USH2A: variants seen among roughly 807,000 people sequenced by gnomAD.
USH2A encodes Usher syndrome 2A (autosomal recessive, mild).
In USH2A, 443 loss-of-function variants were observed where a neutral mutation model predicts 538.9. The ratio of observed to expected loss-of-function variants is 0.82; its 90% CI spans 0.76 to 0.89. The LOEUF is 0.89. Among genes scored for constraint, USH2A ranks in the 40% least tolerant of loss-of-function variants. USH2A has a pLI of 0.00. For synonymous variants in USH2A, 2,413 were observed against 2,273.5 expected (o/e 1.06, Z -1.75); for missense variants, 6,633 against 6,324.8 (o/e 1.05, Z -1.65).
At chr1:216,203,009 G>A (rs182394721) in intron 16 of USH2A, among the ~76,000 whole-genome samples, 2 of 151,982 alleles carry the variant, frequency 1.3e-5, no homozygotes, top group Admixed American at 1.3e-4. Context: ...TTTCATCTTT[G>A]TATTTCTAAT....
At chr1:216,354,818 CA>C (rs1195480713) in intron 4 of USH2A, among the ~76,000 whole-genome samples, 1 of 149,476 alleles carries the variant, frequency 6.7e-6, no homozygotes, top group Admixed American at 6.7e-5. Flanking sequence ...GAAAAGGAAG[CA>C]AAAAAAGGAA....
intron 61 of USH2A, among the ~76,000 whole-genome samples, chr1:215,691,377 A>G (rs1658602794): frequency 6.6e-6 from 1 of 152,128 alleles, no homozygotes; most frequent in Non-Finnish European, 1.5e-5. Context: ...CCCCTGGGAA[A>G]ACTGCACTGC....
chr1:215,765,639 A>T (rs1661106254), intron 56 of USH2A, among the ~76,000 whole-genome samples: 1 of 151,980 alleles, frequency 6.6e-6, no homozygotes, highest in African/African-American at 2.4e-5. Flanking sequence ...AAATGACACC[A>T]GCCATCCCAC....
At chr1:216,231,539 A>G (rs967605120) in intron 14 of USH2A, among the ~76,000 whole-genome samples, 1 of 124,004 alleles carries the variant, frequency 8.1e-6, no homozygotes, top group African/African-American at 2.6e-5. Flanking sequence ...AAAACATATC[A>G]ATAACAAAAA....
intron 32 of USH2A, among the ~76,000 whole-genome samples, chr1:216,002,381 C>T (rs1045987710): frequency 1.3e-5 from 2 of 152,130 alleles, no homozygotes; most frequent in Admixed American, 6.6e-5. Flanking sequence ...TCTCATCTGT[C>T]TGAATTCCTT....
At position 215,623,250 on chromosome 1, in the gene USH2A, T is replaced by TGTGA. The variant is rs1655866325; in HGVS notation, c.*2527_*2530dup. 6.6e-6 allele frequency: 1 copy of TGTGA among 152,004 alleles called. No homozygotes were observed. The highest frequency in any genetic ancestry group is 2.4e-5 in the African/African-American group (1 of 41,392). The allele number at this position is 152,004 out of a possible 1,614,324, so 9.4% of individuals were successfully genotyped here. A position where few individuals can be genotyped will look rare whatever the true frequency, so the allele number is the denominator to read the frequency against. On this transcript the variant is annotated 3_prime_UTR_variant, in exon 72 of 72. Coordinates refer to ENST00000307340, the MANE Select transcript of USH2A (RefSeq NM_206933.4). ...AATGTGGCATGTACAATTGGTAAAA[T>TGTGA]GTGAGTCAGGAGATTTAAATTTAAA...
At position 216,046,576 on chromosome 1, in the gene USH2A, C is replaced by T. The variant is rs1239779645; in HGVS notation, c.6180G>A (p.Gln2060=). 6.2e-7 allele frequency: 1 copy of T among 1,613,810 alleles called. No homozygotes were observed. The highest frequency in any genetic ancestry group is 8.5e-7 in the Non-Finnish European group (1 of 1,179,772). Residue 2060 remains glutamine (Q), a synonymous_variant, in exon 32 of 72, where the codon CAG becomes CAA. Coordinates refer to ENST00000307340, the MANE Select transcript of USH2A (RefSeq NM_206933.4). ...STPQEAPQEV[Q]PPVAKSLPSS... The stretch of plus-strand genomic sequence containing the variant: ...TGGGAAGGGATTTGGCTACTGGTGG[C>T]TGAACCTCTTGTGGGGCTGTGGAAG...
chr1:216,156,709 A>T (rs1308563334), intron 21 of USH2A, among the ~76,000 whole-genome samples: 2 of 152,170 alleles, frequency 1.3e-5, no homozygotes, highest in African/African-American at 2.4e-5. Flanking sequence ...CTCTGCACAC[A>T]CACCAAAAGA....
intron 20 of USH2A, among the ~76,000 whole-genome samples, chr1:216,181,921 T>C (rs2034501395): frequency 6.6e-6 from 1 of 152,112 alleles, no homozygotes; most frequent in African/African-American, 2.4e-5. Flanking sequence ...TTTATTATTT[T>C]GTGATATATA....
intron 55 of USH2A, among the ~76,000 whole-genome samples, 159 bp from the exon 56 acceptor site, chr1:215,766,947 C>T (rs1178631885): frequency 6.6e-6 from 1 of 152,170 alleles, no homozygotes; most frequent in African/African-American, 2.4e-5. Flanking sequence ...TCATAAGAGG[C>T]TAAGTATTGG....
Position 216,323,507 on chromosome 1 carries a change from T to TA in USH2A, c.1516dup (p.Tyr506LeufsTer10). 1 of 1,613,500 alleles carries TA rather than the reference T, an allele frequency of 6.2e-7. No individual in the cohort carries two copies. Among genetic ancestry groups the TA allele is most frequent in the Non-Finnish European group, 8.5e-7 (1 of 1,179,684 alleles). ...AATGGTGATTTCGTCCACTGCATAA[T>TA]ATCTGTGTCTGAGGTTAACAGCAGT... On this transcript the variant is annotated frameshift_variant, in exon 8 of 72. Transcript: ENST00000307340. LOFTEE classifies it high-confidence loss of function.
At chr1:216,257,845 A>G (rs775194323) in intron 11 of USH2A, among the ~76,000 whole-genome samples, 6 of 152,020 alleles carry the variant, frequency 3.9e-5, no homozygotes, top group East Asian at 1.9e-4. Context: ...TGTATAATCA[A>G]TTATATCCAG....
rs1558151881 is a variant in USH2A at position 215,900,775 on chromosome 1, G to A, written c.7431C>T (p.Asp2477=). 6.2e-7 allele frequency: 1 copy of A among 1,613,576 alleles called. No individual in the cohort carries two copies. Among genetic ancestry groups the A allele is most frequent in the African/African-American group, 1.3e-5 (1 of 74,878 alleles). Residue 2477 remains aspartate, a synonymous_variant, in exon 39 of 72, where the codon GAC becomes GAT. Transcript: ENST00000307340. Reference sequence around the variant, plus strand: ...CTCACTCTAGAAATCCATGGGTGGAGTCGCCAGACCTCATCTGGAGTTGGT... The same window carrying A: ...CTCACTCTAGAAATCCATGGGTGGAATCGCCAGACCTCATCTGGAGTTGGT... The part of the protein sequence containing the change: ...PRYQLQMRSG[D]STHGFLELFS...
chr1:216,070,032 A>T, intron 30 of USH2A, 69 bp downstream of exon 30: 1 of 1,556,416 alleles, frequency 6.4e-7, no homozygotes, highest in Admixed American at 1.8e-5. Context: ...CATTTGCAGA[A>T]GATTTTTATT....
At chr1:215,967,973 C>A (rs1667396313) in intron 36 of USH2A, among the ~76,000 whole-genome samples, 1 of 152,036 alleles carries the variant, frequency 6.6e-6, no homozygotes, top group Non-Finnish European at 1.5e-5. Flanking sequence ...TCTTAGACTC[C>A]ACTAGTGTTA....
At position 216,146,396 on chromosome 1, in the gene USH2A, C is replaced by T. The variant is rs376345242; in HGVS notation, c.4627+28856G>A. 2.6e-5 allele frequency among the ~76,000 whole-genome samples: 4 copies of T among 152,310 alleles called. No individual in the cohort carries two copies. In the East Asian group the frequency reaches 7.7e-4, roughly 29 times the overall value. ...CGCTGGTCACAGACTGGGAAGGCAG[C>T]CTTCCCTTGGTGTTTAATCATTGCA... On this transcript the variant is annotated intron_variant, in intron 21 of 71. Coordinates refer to ENST00000307340, the MANE Select transcript of USH2A (RefSeq NM_206933.4).
intron 21 of USH2A, among the ~76,000 whole-genome samples, chr1:216,116,112 A>ACGTATTTTTTT (rs2033002141): frequency 6.6e-6 from 1 of 151,664 alleles, no homozygotes; most frequent in African/African-American, 2.4e-5. Flanking sequence ...AAAAAATAAT[A>ACGTATTTTTTT]ACTTTTTACG....
At chr1:215,772,771 T>C (rs545902346) in intron 55 of USH2A, among the ~76,000 whole-genome samples, 2 of 152,360 alleles carry the variant, frequency 1.3e-5, no homozygotes, top group South Asian at 4.1e-4. Flanking sequence ...AATTATTCTA[T>C]AGTGTCATCT....
intron 21 of USH2A, among the ~76,000 whole-genome samples, chr1:216,133,192 C>T (rs924497745): frequency 7.2e-5 from 11 of 152,030 alleles, no homozygotes; most frequent in Non-Finnish European, 8.8e-5. Context: ...ATGAAAGCAA[C>T]AAAAATCTGG....
Sources: gnomAD v4.1 joint callset for allele counts (sites outside exome capture counted in the v4.1 genomes callset) on GRCh38, gnomAD v4.1.1 for gene constraint, MANE v1.5 for transcripts, NCBI Gene and HGNC (gene_info 2026-07-23, HGNC 2026-07-21) for gene names.